The following MGAT4D variants were observed in gnomAD, a reference collection of about 807,000 sequenced individuals.
MGAT4D encodes the protein MGAT4 family member D, also known as alpha-1,3-mannosyl-glycoprotein 4-beta-N-acetylglucosaminyltransferase-like protein MGAT4D.
A neutral mutation model predicts 15.9 loss-of-function variants in MGAT4D; 34 were observed. That is an observed-to-expected ratio of 2.14 (90% CI 1.62 to 2.84). The LOEUF (loss-of-function observed/expected upper bound fraction) is 2.84, where lower values mean the gene tolerates loss of function less well. MGAT4D is among the 30% of genes most tolerant of loss of function. The pLI is 0.00. For missense variants in MGAT4D, 327 were observed against 140.2 expected (o/e 2.33, Z -6.73); for synonymous variants, 112 against 48.2 (o/e 2.33, Z -5.49).
chr4:140,469,271 C>T (rs1053269817), intron 5 of MGAT4D, among the ~76,000 whole-genome samples: 3 of 152,156 alleles, frequency 2.0e-5, no homozygotes, highest in East Asian at 1.9e-4. Context: ...GTTTCATCTA[C>T]GCAGCTGCCC....
rs1729864040 is a variant in MGAT4D at position 140,442,946 on chromosome 4, T to C, written c.*490A>G. On this transcript the variant is annotated 3_prime_UTR_variant, in exon 11 of 11. Transcript: ENST00000511113. ...TTTGATAATCGGTTCAAATGGCACA[T>C]AGGGATAAGTTTATAGTTTTAAATG... The C allele has an allele frequency of 6.6e-6, 1 of 152,172 alleles. No individual in the cohort carries two copies. Among genetic ancestry groups the C allele is most frequent in the Non-Finnish European group, 1.5e-5 (1 of 68,014 alleles). The allele number at this position is 152,172 out of a possible 1,614,324, so 9.4% of individuals were successfully genotyped here.
At chr4:140,460,019 G>A (rs555895523) in intron 7 of MGAT4D, among the ~76,000 whole-genome samples, 2 of 152,062 alleles carry the variant, frequency 1.3e-5, no homozygotes, top group African/African-American at 2.4e-5. Flanking sequence ...TGAGCCTCCC[G>A]CCTTGGCCTC....
intron 6 of MGAT4D, among the ~76,000 whole-genome samples, chr4:140,464,431 A>G (rs1731393803): frequency 6.6e-6 from 1 of 152,192 alleles, no homozygotes; most frequent in African/African-American, 2.4e-5. Context: ...TATACACACT[A>G]GAAAGTTAGG....
chr4:140,451,478 A>G lies in MGAT4D; in HGVS notation c.1048T>C (p.Tyr350His), dbSNP rs1730470735. The change falls in exon 10 of 11, where the codon TAT becomes CAT. Residue 350 changes from tyrosine (Y) to histidine (H), a missense_variant. Physicochemically the swap from Tyr to His is moderately conservative, Grantham distance 83. Coordinates refer to ENST00000511113, the MANE Select transcript of MGAT4D (RefSeq NM_001277353.2). ...MKRKKQIRIQ[Y>H]KPSLFQHVGI... ...ACATGCTGGAAAAGAGAAGGTTTAT[A>G]CTGAATACGTATTTGCTTCTTTCGT... 1.1e-5 allele frequency: 7 copies of G among 615,066 alleles called. No homozygotes were observed. The East Asian group carries it at 1.2e-4, about 10-fold the overall frequency. 38.1% of individuals were successfully genotyped at this position (615,066 alleles called of 1,614,324 possible).
intron 5 of MGAT4D, among the ~76,000 whole-genome samples, chr4:140,469,319 T>C (rs937140552): frequency 6.6e-6 from 1 of 152,230 alleles, no homozygotes; most frequent in African/African-American, 2.4e-5. Context: ...ATGCTGGATA[T>C]CATTTCGCCC....
intron 1 of MGAT4D, among the ~76,000 whole-genome samples, chr4:140,485,883 A>G (rs2126848075): frequency 7.1e-6 from 1 of 140,392 alleles, no homozygotes; most frequent in East Asian, 2.3e-4. Context: ...AACATTTAAT[A>G]TTTTTTCACT....
intron 1 of MGAT4D, among the ~76,000 whole-genome samples, chr4:140,493,763 G>C (rs1733659207): frequency 6.6e-6 from 1 of 152,144 alleles, no homozygotes; most frequent in African/African-American, 2.4e-5. Context: ...GAAACCTGTT[G>C]CTTGTCCCAG....
chr4:140,463,090 GA>G (rs1378580898), intron 6 of MGAT4D, among the ~76,000 whole-genome samples: 1 of 152,152 alleles, frequency 6.6e-6, no homozygotes, highest in East Asian at 1.9e-4. Context: ...ACGAGAGAAG[GA>G]TTTAGCCTTA....
intron 10 of MGAT4D, 21 bp from the exon 11 acceptor site, chr4:140,443,465 G>T (rs776355005): frequency 1.9e-5 from 10 of 530,550 alleles, no homozygotes; most frequent in South Asian, 1.8e-4. Context: ...AACAAAAAAT[G>T]TAACATCTAG....
At chr4:140,469,861 T>A (rs1172290871) in intron 5 of MGAT4D, among the ~76,000 whole-genome samples, 1 of 152,110 alleles carries the variant, frequency 6.6e-6, no homozygotes, top group African/African-American at 2.4e-5. Context: ...GAGGGTGGGG[T>A]CCCTGGACCC....
intron 7 of MGAT4D, among the ~76,000 whole-genome samples, chr4:140,460,823 A>C (rs1731125315): frequency 6.6e-6 from 1 of 152,228 alleles, no homozygotes; most frequent in African/African-American, 2.4e-5. Flanking sequence ...AAACAAAAAA[A>C]CAAAAACAAA....
chr4:140,479,158 C>G (rs1732529377), intron 3 of MGAT4D, among the ~76,000 whole-genome samples: 1 of 152,124 alleles, frequency 6.6e-6, no homozygotes, highest in Non-Finnish European at 1.5e-5. Context: ...GACTGGGAAA[C>G]AGTAAAATAA....
At chr4:140,464,684 C>T (rs144661706) in intron 6 of MGAT4D, among the ~76,000 whole-genome samples, 60 of 152,236 alleles carry the variant, frequency 3.9e-4, no homozygotes, top group African/African-American at 1.2e-3. Flanking sequence ...CCCATTTCCA[C>T]GGTATAAATA....
At chr4:140,445,544 T>C (rs1730066806) in intron 10 of MGAT4D, among the ~76,000 whole-genome samples, 1 of 152,218 alleles carries the variant, frequency 6.6e-6, no homozygotes, top group Non-Finnish European at 1.5e-5. Flanking sequence ...TTAGATCTAT[T>C]TGTCAACTTT....
At chr4:140,464,292 T>C (rs1288088639) in intron 6 of MGAT4D, among the ~76,000 whole-genome samples, 2 of 152,234 alleles carry the variant, frequency 1.3e-5, no homozygotes, top group Non-Finnish European at 2.9e-5. Context: ...TTTCCCATAA[T>C]ACTTACCACA....
chr4:140,461,543 T>C (rs1258183077), intron 7 of MGAT4D, among the ~76,000 whole-genome samples: 1 of 152,150 alleles, frequency 6.6e-6, no homozygotes, highest in Non-Finnish European at 1.5e-5. Context: ...ATGATAAGTG[T>C]ATACAATGTC....
chr4:140,496,816 A>T (rs1733866686), intron 1 of MGAT4D, among the ~76,000 whole-genome samples: 1 of 151,856 alleles, frequency 6.6e-6, no homozygotes, highest in African/African-American at 2.4e-5. Context: ...AGCCTGGGCA[A>T]CAAGAGTGAA....
chr4:140,485,106 G>A (rs1477792105), intron 1 of MGAT4D, among the ~76,000 whole-genome samples: 1 of 152,160 alleles, frequency 6.6e-6, no homozygotes, highest in Non-Finnish European at 1.5e-5. Flanking sequence ...GCACACGTAT[G>A]TTTACTGCGG....
At chr4:140,468,784 TA>T (rs1731718201) in intron 5 of MGAT4D, among the ~76,000 whole-genome samples, 1 of 152,142 alleles carries the variant, frequency 6.6e-6, no homozygotes, top group Non-Finnish European at 1.5e-5. Flanking sequence ...TTCACTACCC[TA>T]AGTTCCTTCA....
Sources: allele counts gnomAD v4.1 joint callset (sites outside exome capture counted in the v4.1 genomes callset), GRCh38; gene constraint gnomAD v4.1.1; transcripts MANE v1.5; gene names NCBI Gene and HGNC (gene_info 2026-07-23, HGNC 2026-07-21).